Variants in TTC7B observed in about 807,000 individuals in gnomAD.
TTC7B encodes tetratricopeptide repeat domain 7B.
TTC7B carries 28 observed loss-of-function variants against 106.8 expected under a neutral mutation model. The ratio of observed to expected loss-of-function variants is 0.26; its 90% CI spans 0.19 to 0.36. TTC7B has a LOEUF of 0.36. TTC7B is among the 10% of genes least tolerant of loss of function. TTC7B has a pLI of 1.00. For synonymous variants in TTC7B, 405 were observed against 430.6 expected, an observed-to-expected ratio of 0.94 and a Z score of 0.74; for missense variants, 862 against 1,076.4, an observed-to-expected ratio of 0.80 and a Z score of 2.79.
chr14:90,696,699 A>G (rs1329832493), intron 5 of TTC7B, among the ~76,000 whole-genome samples: 1 of 152,228 alleles, frequency 6.6e-6, no homozygotes, highest in Non-Finnish European at 1.5e-5. Flanking sequence ...CTTTAAGATA[A>G]TGATTTATTG....
chr14:90,542,246 T>A (rs1889630400), intron 19 of TTC7B, among the ~76,000 whole-genome samples: 1 of 149,122 alleles, frequency 6.7e-6, no homozygotes, highest in African/African-American at 2.5e-5. Flanking sequence ...GCCTGTCGTC[T>A]TTTTTTTTTA....
chr14:90,813,672 CTT>C (rs374826647), intron 1 of TTC7B, among the ~76,000 whole-genome samples: 3 of 140,790 alleles, frequency 2.1e-5, no homozygotes, highest in Non-Finnish European at 1.5e-5. Context: ...ACACTGTATT[CTT>C]TTTTTTTTTT....
chr14:90,741,687 C>A (rs553096392), intron 4 of TTC7B, among the ~76,000 whole-genome samples: 1 of 152,242 alleles, frequency 6.6e-6, no homozygotes, highest in South Asian at 2.1e-4. Context: ...AGAAAAAGGC[C>A]AATCAAGTAT....
intron 5 of TTC7B, among the ~76,000 whole-genome samples, chr14:90,700,627 G>C (rs1887947054): frequency 6.6e-6 from 1 of 151,538 alleles, no homozygotes; most frequent in Admixed American, 6.6e-5. Flanking sequence ...AACAACTAAA[G>C]CAGGTACTTG....
intron 6 of TTC7B, 112 bp from the exon 7 acceptor site, chr14:90,689,824 G>A (rs1887399746): frequency 2.5e-6 from 3 of 1,219,344 alleles, no homozygotes; most frequent in Non-Finnish European, 2.2e-6. Flanking sequence ...ACTACTGCAA[G>A]GCTCATAATT....
chr14:90,635,469 A>G (rs952728157), intron 15 of TTC7B, among the ~76,000 whole-genome samples: 1 of 152,082 alleles, frequency 6.6e-6, no homozygotes, highest in Non-Finnish European at 1.5e-5. Flanking sequence ...AAAAATTATC[A>G]GTATATATAG....
intron 3 of TTC7B, among the ~76,000 whole-genome samples, chr14:90,756,416 A>T: frequency 1.5e-5 from 2 of 136,584 alleles, no homozygotes; most frequent in Admixed American, 7.8e-5. Flanking sequence ...TTTTTTTGAG[A>T]CAGTTTCAGT....
chr14:90,799,016 G>T (rs986880500), intron 1 of TTC7B, among the ~76,000 whole-genome samples: 1 of 152,160 alleles, frequency 6.6e-6, no homozygotes, highest in Non-Finnish European at 1.5e-5. Context: ...CCCCAGAGGG[G>T]TTCCCGTGGC....
chr14:90,610,713 T>C, intron 17 of TTC7B, 29 bp downstream of exon 17: 1 of 1,519,346 alleles, frequency 6.6e-7, no homozygotes, highest in South Asian at 1.1e-5. Context: ...CATTACACCA[T>C]TTCGTCCCCT....
At chr14:90,756,194 A>C (rs1890287623) in intron 3 of TTC7B, among the ~76,000 whole-genome samples, 1 of 152,178 alleles carries the variant, frequency 6.6e-6, no homozygotes, top group Admixed American at 6.5e-5. Context: ...GAGAGCAGCC[A>C]GTGAACAGGA....
At chr14:90,778,489 T>A (rs1450246149) in intron 3 of TTC7B, among the ~76,000 whole-genome samples, 2 of 152,066 alleles carry the variant, frequency 1.3e-5, no homozygotes, top group African/African-American at 4.8e-5. Flanking sequence ...CACCCCCAAA[T>A]AGGAAGCCAA....
intron 1 of TTC7B, among the ~76,000 whole-genome samples, chr14:90,790,063 C>T (rs1247680889): frequency 6.6e-6 from 1 of 152,084 alleles, no homozygotes; most frequent in Non-Finnish European, 1.5e-5. Flanking sequence ...TCAATAGCTA[C>T]ATGTAGCTAG....
At chr14:90,810,500 T>G (rs7145236) in intron 1 of TTC7B, among the ~76,000 whole-genome samples, 11,092 of 152,268 alleles carry the variant, frequency 0.073, 701 homozygotes, top group African/African-American at 0.17. Flanking sequence ...GACATCTCCC[T>G]CTCTGGCACT....
Position 90,647,011 on chromosome 14 carries a change from C to T in TTC7B, c.1530G>A (p.Leu510=). The change falls in exon 14 of 20, where the codon CTG becomes CTA. Residue 510 remains leucine, a synonymous_variant. Coordinates refer to ENST00000328459, the MANE Select transcript of TTC7B (RefSeq NM_001010854.2). ...AAGCTGCTTGGTGATCTGTGGGTGA[C>T]AGGCTGTGGGCCCTGAAAAAGTATT... ...ALLAFQRAHS[L]SPTDHQAAFY... 2 of 1,614,154 alleles carry T rather than the reference C, an allele frequency of 1.2e-6. No homozygotes were observed. The highest frequency in any genetic ancestry group is 1.7e-6 in the Non-Finnish European group (2 of 1,180,022).
chr14:90,592,082 T>C lies in TTC7B; in HGVS notation c.2107+1404A>G, dbSNP rs1891983282. 1.3e-5 allele frequency among the ~76,000 whole-genome samples: 2 copies of C among 152,244 alleles called. 1 individual carries two copies. The highest frequency in any genetic ancestry group is 4.1e-4 in the South Asian group (2 of 4,832). On this transcript the variant is annotated intron_variant, in intron 18 of 19. Coordinates refer to ENST00000328459, the MANE Select transcript of TTC7B (RefSeq NM_001010854.2). ...AGAAAAGGCTGACTGAGCTGGGCTCTGCGGCATGCCAAGGCCAGGTAAATC... is the reference window on the plus strand; with the variant it reads ...AGAAAAGGCTGACTGAGCTGGGCTCCGCGGCATGCCAAGGCCAGGTAAATC...
chr14:90,816,071 GCCGCGCCCCTGC>G (rs2031165118), intron 1 of TTC7B, 92 bp downstream of exon 1: 2 of 977,412 alleles, frequency 2.0e-6, no homozygotes, highest in South Asian at 4.6e-5. Flanking sequence ...TCGCGGCCCG[GCCGCGCCCCTGC>G]CCGCGCCCCG....
chr14:90,700,680 T>C (rs1033203956), intron 5 of TTC7B, among the ~76,000 whole-genome samples: 10 of 147,650 alleles, frequency 6.8e-5, no homozygotes, highest in African/African-American at 2.2e-4. Flanking sequence ...CGTATACCCT[T>C]ATGGTATGTA....
At chr14:90,718,167 A>G (rs1216572559) in intron 5 of TTC7B, among the ~76,000 whole-genome samples, 2 of 152,238 alleles carry the variant, frequency 1.3e-5, no homozygotes, top group African/African-American at 4.8e-5. Flanking sequence ...AAAAAGTTCA[A>G]GTCTGGGAGG....
At chr14:90,695,299 AAT>A (rs1375410427) in intron 6 of TTC7B, among the ~76,000 whole-genome samples, 199 bp downstream of exon 6, 183 of 135,782 alleles carry the variant, frequency 1.3e-3, no homozygotes, top group African/African-American at 3.1e-3. Context: ...TATGTACATA[AAT>A]ATATGTCACA....
Sources: gnomAD v4.1 joint callset for allele counts (sites outside exome capture counted in the v4.1 genomes callset) on GRCh38, gnomAD v4.1.1 for gene constraint, MANE v1.5 for transcripts, NCBI Gene and HGNC (gene_info 2026-07-23, HGNC 2026-07-21) for gene names.